CAMK2D: variants seen among roughly 807,000 people sequenced by gnomAD.
The protein encoded by CAMK2D is calcium/calmodulin-dependent protein kinase type II subunit delta.
A neutral mutation model predicts 84.0 loss-of-function variants in CAMK2D; 37 were observed. The ratio of observed to expected loss-of-function variants is 0.44; its 90% CI spans 0.34 to 0.58. The LOEUF is 0.58. CAMK2D is among the 20% of genes least tolerant of loss of function. The pLI is 0.02. For synonymous variants in CAMK2D, 202 were observed against 212.5 expected (o/e 0.95, Z 0.43); for missense variants, 448 against 652.5 (o/e 0.69, Z 3.41).
At chr4:113,576,463 AATC>A (rs2098782934) in intron 4 of CAMK2D, among the ~76,000 whole-genome samples, 1 of 152,168 alleles carries the variant, frequency 6.6e-6, no homozygotes, top group African/African-American at 2.4e-5. Flanking sequence ...AAACAGAAAT[AATC>A]ATCAATATTA....
At chr4:113,698,972 C>A (rs1314599684) in intron 2 of CAMK2D, among the ~76,000 whole-genome samples, 1 of 152,046 alleles carries the variant, frequency 6.6e-6, no homozygotes, top group Admixed American at 6.6e-5. Context: ...ATAATAAATT[C>A]TAGAAGTATG....
chr4:113,480,448 G>A (rs1036703418), intron 16 of CAMK2D, among the ~76,000 whole-genome samples: 6 of 152,036 alleles, frequency 3.9e-5, no homozygotes, highest in African/African-American at 9.7e-5. Flanking sequence ...GAATGTATGC[G>A]TCCCTACAAA....
chr4:113,738,386 C>T (rs1040528096), intron 2 of CAMK2D, among the ~76,000 whole-genome samples: 1 of 152,038 alleles, frequency 6.6e-6, no homozygotes, highest in Non-Finnish European at 1.5e-5. Context: ...TGGTTTCATG[C>T]AGCTGTTTAA....
intron 16 of CAMK2D, among the ~76,000 whole-genome samples, chr4:113,488,862 TA>T (rs2154135855): frequency 6.6e-6 from 1 of 152,326 alleles, no homozygotes; most frequent in Non-Finnish European, 1.5e-5. Flanking sequence ...GACCTTGTTT[TA>T]AAATGGGGTT....
chr4:113,581,081 A>T (rs2098806164), intron 4 of CAMK2D, among the ~76,000 whole-genome samples: 1 of 152,194 alleles, frequency 6.6e-6, no homozygotes, highest in Non-Finnish European at 1.5e-5. Context: ...AATAAAAACA[A>T]AAATAAAAAT....
intron 2 of CAMK2D, among the ~76,000 whole-genome samples, chr4:113,698,196 A>G (rs1371681278): frequency 6.6e-6 from 1 of 152,130 alleles, no homozygotes; most frequent in Non-Finnish European, 1.5e-5. Context: ...AATGAAAAAT[A>G]AAATGGTTGT....
At chr4:113,546,840 G>T (rs150355119) in intron 6 of CAMK2D, among the ~76,000 whole-genome samples, 153 of 152,202 alleles carry the variant, frequency 1.0e-3, no homozygotes, top group African/African-American at 3.7e-3. Context: ...CTGGGAAATG[G>T]AGACGGAAAA....
intron 4 of CAMK2D, among the ~76,000 whole-genome samples, chr4:113,564,739 T>G (rs1359708217): frequency 6.6e-6 from 1 of 152,210 alleles, no homozygotes; most frequent in East Asian, 1.9e-4. Flanking sequence ...ACTACGGGTA[T>G]TTTTTATTAT....
chr4:113,755,873 T>C (rs935037052), intron 2 of CAMK2D, among the ~76,000 whole-genome samples: 8 of 152,000 alleles, frequency 5.3e-5, no homozygotes, highest in African/African-American at 1.9e-4. Flanking sequence ...AAAATTCTAT[T>C]ATCACTATTC....
At chr4:113,747,856 A>C (rs1490369737) in intron 2 of CAMK2D, among the ~76,000 whole-genome samples, 2 of 150,576 alleles carry the variant, frequency 1.3e-5, no homozygotes, top group Non-Finnish European at 3.0e-5. Flanking sequence ...GGAAGAAAAA[A>C]CTCCCATTCT....
intron 3 of CAMK2D, among the ~76,000 whole-genome samples, chr4:113,660,878 C>G (rs2099227758): frequency 6.6e-6 from 1 of 151,046 alleles, no homozygotes; most frequent in African/African-American, 2.4e-5. Context: ...TCACTGCAAG[C>G]TCCGCCTCCC....
intron 2 of CAMK2D, 150 bp downstream of exon 2, chr4:113,759,170 A>G (rs2099635200): frequency 2.2e-6 from 1 of 459,580 alleles, no homozygotes; most frequent in Non-Finnish European, 3.9e-6. Context: ...CAGACCAAGA[A>G]GCATTCAGGA....
At chr4:113,468,213 A>G (rs1163225805) in intron 16 of CAMK2D, among the ~76,000 whole-genome samples, 1 of 151,988 alleles carries the variant, frequency 6.6e-6, no homozygotes, top group Admixed American at 6.6e-5. Flanking sequence ...ATACGCATTC[A>G]CTCTTAAGTA....
intron 2 of CAMK2D, among the ~76,000 whole-genome samples, chr4:113,729,773 G>A (rs1398096708): frequency 6.6e-6 from 1 of 152,124 alleles, no homozygotes; most frequent in Non-Finnish European, 1.5e-5. Context: ...CCTCTCATGA[G>A]TGGAATTAGT....
chr4:113,552,302 TGAG>T lies in CAMK2D; in HGVS notation c.276-209_276-207del, dbSNP rs550718957. ...TTTTATTTGTCTATCATTAGACACA[TGAG>T]GTCACAATTTTCTGTATGCCATAAA... On this transcript the variant is annotated intron_variant, in intron 4 of 20. Coordinates refer to ENST00000511664, the MANE Select transcript of CAMK2D (RefSeq NM_001321571.2). 2.2e-3 allele frequency among the ~76,000 whole-genome samples: 335 copies of T among 152,350 alleles called. 5 individuals carry two copies. The highest frequency in any genetic ancestry group is 0.018 in the South Asian group (85 of 4,828).
chr4:113,650,160 A>G (rs2099167179), intron 3 of CAMK2D, among the ~76,000 whole-genome samples: 1 of 152,126 alleles, frequency 6.6e-6, no homozygotes, highest in Non-Finnish European at 1.5e-5. Context: ...ACCTTTCCCC[A>G]GATTAATATA....
chr4:113,536,002 C>A (rs2098487217), intron 7 of CAMK2D, among the ~76,000 whole-genome samples: 1 of 152,184 alleles, frequency 6.6e-6, no homozygotes, highest in Non-Finnish European at 1.5e-5. Context: ...CCCTTAACTC[C>A]TGTTACAATA....
chr4:113,717,133 C>T (rs1391696563), intron 2 of CAMK2D, among the ~76,000 whole-genome samples: 1 of 152,102 alleles, frequency 6.6e-6, no homozygotes, highest in African/African-American at 2.4e-5. Flanking sequence ...TTTTCTGTCC[C>T]TCTCAGAACA....
chr4:113,574,714 C>T (rs1365873267), intron 4 of CAMK2D, among the ~76,000 whole-genome samples: 1 of 152,216 alleles, frequency 6.6e-6, no homozygotes, highest in African/African-American at 2.4e-5. Flanking sequence ...AAGTGCTTCA[C>T]TGGACAGATC....
Sources: gnomAD v4.1 joint callset for allele counts (sites outside exome capture counted in the v4.1 genomes callset) on GRCh38, gnomAD v4.1.1 for gene constraint, MANE v1.5 for transcripts, NCBI Gene and HGNC (gene_info 2026-07-23, HGNC 2026-07-21) for gene names.